NBEA: variants seen among roughly 807,000 people sequenced by gnomAD.
NBEA encodes the protein lysosomal-trafficking regulator 2.
Under a neutral mutation model 343.4 loss-of-function variants are expected in NBEA, and 44 were observed. That is an observed-to-expected ratio of 0.13 (90% confidence interval 0.10 to 0.16). The LOEUF is 0.16. NBEA is among the 10% of genes least tolerant of loss of function. NBEA has a pLI of 1.00. For synonymous variants in NBEA, 1,175 were observed against 1,238.7 expected, an observed-to-expected ratio of 0.95 and a Z score of 1.08; for missense variants, 2,555 against 3,631.3, an observed-to-expected ratio of 0.70 and a Z score of 7.62.
At chr13:35,592,023 T>C (rs1433943166) in intron 46 of NBEA, among the ~76,000 whole-genome samples, 1 of 152,106 alleles carries the variant, frequency 6.6e-6, no homozygotes, top group Non-Finnish European at 1.5e-5. Flanking sequence ...ATGAATGTTA[T>C]TTAATCCTTT....
At position 35,648,067 on chromosome 13, in the gene NBEA, T is replaced by G. The variant is rs540302937; in HGVS notation, c.7771-1588T>G. Among the ~76,000 whole-genome samples, 8 of 151,894 alleles carry G rather than the reference T, an allele frequency of 5.3e-5. No individual in the cohort carries two copies. In the East Asian group the frequency reaches 1.2e-3, roughly 22 times the overall value. ...AATTTTTAAAATTTTTTGTAGAGATTGGGTTTTGCTGTGTTTCCCAGGCTG... is the reference window on the plus strand; with the variant it reads ...AATTTTTAAAATTTTTTGTAGAGATGGGGTTTTGCTGTGTTTCCCAGGCTG... On this transcript the variant is annotated intron_variant, in intron 51 of 58. Coordinates refer to ENST00000379939, the MANE Select transcript of NBEA (RefSeq NM_001385012.1).
intron 48 of NBEA, among the ~76,000 whole-genome samples, chr13:35,617,553 G>A (rs2082788346): frequency 6.6e-6 from 1 of 152,154 alleles, no homozygotes; most frequent in Non-Finnish European, 1.5e-5. Flanking sequence ...TTCAGAATTA[G>A]AGCTAAAGGA....
chr13:35,045,299 TC>T lies in NBEA; in HGVS notation c.628-3del, dbSNP rs779811225. ...AATGACATTTCTTTCTTTTATTGTT[TC>T]CCCAGCCAAGACATGCAGTAAAATT... is the stretch of plus-strand genomic sequence containing the variant. On this transcript the variant is annotated splice_polypyrimidine_tract_variant and splice_region_variant and intron_variant, in intron 3 of 58. Transcript: ENST00000379939. 2.5e-6 allele frequency: 4 copies of T among 1,597,874 alleles called. No homozygotes were observed. In the African/African-American group the frequency reaches 4.0e-5, roughly 16 times the overall value.
intron 46 of NBEA, among the ~76,000 whole-genome samples, chr13:35,586,926 C>T (rs573787630): frequency 6.6e-6 from 1 of 152,172 alleles, no homozygotes; most frequent in South Asian, 2.1e-4. Context: ...AAAAATTTAC[C>T]AGTCAAGATC....
chr13:35,208,706 T>C lies in NBEA; in HGVS notation c.5373T>C (p.Val1791=), dbSNP rs769916265. ...PMQFHSFDRS[V]VVPVKKPPPG... ...ATCCTTCATTTCTTTGCAGGAGTGT[T>C]GTGGTGCCTGTAAAGAAACCACCTC... The change falls in exon 32 of 59, where the codon GTT becomes GTC. Residue 1791 remains valine, a synonymous_variant. Transcript: ENST00000379939. 1 of 1,588,022 alleles carries C rather than the reference T, an allele frequency of 6.3e-7. No homozygotes were observed. The highest frequency in any genetic ancestry group is 1.1e-5 in the South Asian group (1 of 87,304).
chr13:35,451,972 A>G (rs1213397588), intron 39 of NBEA, 120 bp from the exon 40 acceptor site: 2 of 748,456 alleles, frequency 2.7e-6, no homozygotes, highest in Non-Finnish European at 4.3e-6. Context: ...ATGTTCTGTA[A>G]TTGTAAAGTA....
At chr13:35,664,244 A>T (rs1247302699) in intron 55 of NBEA, among the ~76,000 whole-genome samples, 1 of 152,122 alleles carries the variant, frequency 6.6e-6, no homozygotes, top group African/African-American at 2.4e-5. Context: ...AACCCCAGTG[A>T]GGGCCAGTAG....
At chr13:34,945,323 A>G (rs2059154038) in intron 1 of NBEA, among the ~76,000 whole-genome samples, 1 of 152,154 alleles carries the variant, frequency 6.6e-6, no homozygotes, top group Non-Finnish European at 1.5e-5. Context: ...TGGAGTATAA[A>G]TTAGTCATTT....
intron 38 of NBEA, among the ~76,000 whole-genome samples, chr13:35,424,782 A>C (rs1285958685): frequency 6.6e-6 from 1 of 151,894 alleles, no homozygotes; most frequent in Admixed American, 6.6e-5. Flanking sequence ...CTGGTCCTGG[A>C]CTTTTTTTTC....
intron 48 of NBEA, among the ~76,000 whole-genome samples, chr13:35,622,643 A>G (rs1472176426): frequency 1.3e-5 from 2 of 152,242 alleles, no homozygotes; most frequent in Admixed American, 6.5e-5. Flanking sequence ...AGAAGATGGC[A>G]TAGACACTAC....
intron 39 of NBEA, among the ~76,000 whole-genome samples, chr13:35,440,401 T>C (rs2045674440): frequency 6.6e-6 from 1 of 152,178 alleles, no homozygotes; most frequent in Non-Finnish European, 1.5e-5. Context: ...CATTTACAAG[T>C]GATTATAATA....
At chr13:35,155,679 A>G (rs2069122299) in intron 18 of NBEA, 95 bp from the exon 19 acceptor site, 2 of 929,412 alleles carry the variant, frequency 2.2e-6, no homozygotes, top group South Asian at 2.8e-5. Context: ...TTTGGACTGC[A>G]TTGACATTTC....
intron 1 of NBEA, among the ~76,000 whole-genome samples, chr13:35,017,788 C>T (rs568482371): frequency 1.3e-5 from 2 of 152,130 alleles, no homozygotes; most frequent in Admixed American, 6.5e-5. Context: ...TAATTCTGTA[C>T]AAGTCTAATT....
chr13:35,367,825 A>G (rs2041210487), intron 38 of NBEA, among the ~76,000 whole-genome samples: 1 of 151,478 alleles, frequency 6.6e-6, no homozygotes, highest in African/African-American at 2.4e-5. Flanking sequence ...CAGGTTGTAA[A>G]CTAGACTTAT....
At chr13:35,146,964 A>G (rs898985889) in intron 18 of NBEA, among the ~76,000 whole-genome samples, 1 of 152,172 alleles carries the variant, frequency 6.6e-6, no homozygotes, top group Non-Finnish European at 1.5e-5. Flanking sequence ...TTTGGCAAGC[A>G]TCAGTATGGG....
chr13:35,345,487 C>T (rs2039820853), intron 36 of NBEA, among the ~76,000 whole-genome samples: 1 of 151,778 alleles, frequency 6.6e-6, no homozygotes, highest in Non-Finnish European at 1.5e-5. Context: ...TAAAGACATT[C>T]GTGTCGCCTC....
rs1236615183 is a variant in NBEA, at chr13:35,570,035, TTTGC to T, written c.7035+3029_7035+3032del. 2.6e-5 allele frequency among the ~76,000 whole-genome samples: 4 copies of T among 151,360 alleles called. No homozygotes were observed. In the South Asian group the frequency reaches 6.2e-4, roughly 24 times the overall value. ...TTTTGTTTGTTTGTTTGTTTGTTTG[TTTGC>T]TTGCTTGCTTTTGAGACGGAGTCTC... On this transcript the variant is annotated intron_variant, in intron 45 of 58. Transcript: ENST00000379939.
chr13:35,341,195 G>T (rs2039563423), intron 36 of NBEA, among the ~76,000 whole-genome samples: 1 of 151,876 alleles, frequency 6.6e-6, no homozygotes, highest in Non-Finnish European at 1.5e-5. Flanking sequence ...GGAACAACTG[G>T]ATATCAACAG....
chr13:35,574,277 A>G (rs750652822), intron 45 of NBEA, among the ~76,000 whole-genome samples: 7 of 138,634 alleles, frequency 5.0e-5, no homozygotes, highest in Admixed American at 8.0e-5. Context: ...TCCATAATAC[A>G]TAGGTAGGAT....
Sources: allele counts gnomAD v4.1 joint callset (sites outside exome capture counted in the v4.1 genomes callset), GRCh38; gene constraint gnomAD v4.1.1; transcripts MANE v1.5; gene names NCBI Gene and HGNC (gene_info 2026-07-23, HGNC 2026-07-21).